The following ACTL6A variants were observed in gnomAD, a reference collection of about 807,000 sequenced individuals.
The protein encoded by ACTL6A is actin-like protein 6A.
A neutral mutation model predicts 59.2 loss-of-function variants in ACTL6A; 5 were observed. The observed-to-expected ratio is 0.08, with a 90% CI of 0.04 to 0.18. The LOEUF (loss-of-function observed/expected upper bound fraction) is 0.18, where lower values mean the gene tolerates loss of function less well. ACTL6A is among the 10% of genes least tolerant of loss of function. ACTL6A has a pLI of 1.00. For synonymous variants in ACTL6A, 154 were observed against 171.8 expected (o/e 0.90, Z 0.81); for missense variants, 285 against 526.9 (o/e 0.54, Z 4.49).
In ACTL6A at chr3:179,583,398, C is replaced by A. The variant is rs748784739; in HGVS notation, c.1072C>A (p.Gln358Lys). ...AGTGGCAGGAGGAAACACACTAATA[C>A]AGAGTTTTACTGACAGGTTGAATAG... The part of the protein sequence containing the change: ...VIVAGGNTLI[Q>K]SFTDRLNREL... Residue 358 changes from glutamine (Q) to lysine (K), a missense_variant, in exon 12 of 14, where the codon CAG becomes AAG. By Grantham distance (53) the Gln-to-Lys change is moderately conservative. Transcript: ENST00000429709. 10 of 1,613,452 alleles carry A rather than the reference C, an allele frequency of 6.2e-6. No homozygotes were observed. Among genetic ancestry groups the A allele is most frequent in the Non-Finnish European group, 7.6e-6 (9 of 1,179,686 alleles).
At chr3:179,568,549 G>A (rs1717909235) in intron 1 of ACTL6A, among the ~76,000 whole-genome samples, 1 of 150,870 alleles carries the variant, frequency 6.6e-6, no homozygotes, top group East Asian at 1.9e-4. Context: ...TGAGACGTGT[G>A]TGTGTGTGTA....
chr3:179,586,763 T>C, intron 13 of ACTL6A, 131 bp downstream of exon 13: 1 of 731,432 alleles, frequency 1.4e-6, no homozygotes, highest in Non-Finnish European at 2.2e-6. Flanking sequence ...GAAGACCTAA[T>C]GGAATAACCA....
intron 13 of ACTL6A, among the ~76,000 whole-genome samples, chr3:179,587,215 C>T (rs1374346698): frequency 4.6e-5 from 7 of 151,702 alleles, no homozygotes; most frequent in African/African-American, 1.7e-4. Flanking sequence ...TACATATATA[C>T]TGTATATATA....
At position 179,579,461 on chromosome 3, in the gene ACTL6A, C is replaced by T. The variant is rs974494310; in HGVS notation, c.769-1179C>T. ...TTATTTTATTTATATCATATACACA[C>T]ACACACACACACACACACACACACA... On this transcript the variant is annotated intron_variant, in intron 8 of 13. Coordinates refer to ENST00000429709, the MANE Select transcript of ACTL6A (RefSeq NM_004301.5). Among the ~76,000 whole-genome samples the T allele has an allele frequency of 1.0e-3, 148 of 147,622 alleles. 1 individual carries two copies. Among genetic ancestry groups the T allele is most frequent in the Non-Finnish European group, 1.7e-3 (118 of 67,764 alleles).
chr3:179,587,691 T>C (rs1484652620), intron 13 of ACTL6A, among the ~76,000 whole-genome samples: 3 of 151,832 alleles, frequency 2.0e-5, no homozygotes, highest in Admixed American at 6.6e-5. Context: ...CTGGGCAACA[T>C]AGTGTGAGAC....
At chr3:179,577,552 A>C (rs1232949093) in intron 8 of ACTL6A, among the ~76,000 whole-genome samples, 1 of 151,926 alleles carries the variant, frequency 6.6e-6, no homozygotes, top group Non-Finnish European at 1.5e-5. Context: ...GGGTAAACTC[A>C]TGTCACGGAA....
Position 179,573,408 on chromosome 3 carries a change from C to G in ACTL6A, c.317C>G (p.Thr106Ser). 1 of 1,592,158 alleles carries G rather than the reference C, an allele frequency of 6.3e-7. No individual in the cohort carries two copies. Among genetic ancestry groups the G allele is most frequent in the Non-Finnish European group, 8.5e-7 (1 of 1,172,094 alleles). Residue 106 changes from threonine to serine, a missense_variant, in exon 4 of 14, where the codon ACC (threonine) becomes AGC (serine). Transcript: ENST00000429709. ...WDSFQAILDH[T>S]YKMHVKSEAS... ...AGTTTCCAAGCTATTTTGGATCATA[C>G]CTACAAAATGCATGTCAAATCAGAA...
At position 179,576,738 on chromosome 3, in the gene ACTL6A, T is replaced by A. The variant is rs376110770; in HGVS notation, c.678+12T>A. 2 of 1,609,830 alleles carry A rather than the reference T, an allele frequency of 1.2e-6. No homozygotes were observed. The highest frequency in any genetic ancestry group is 2.7e-5 in the African/African-American group (2 of 74,838). On this transcript the variant is annotated intron_variant, in intron 7 of 13. Coordinates refer to ENST00000429709, the MANE Select transcript of ACTL6A (RefSeq NM_004301.5). ...TGATTGCATCAAAAGTAAGTAATTA[T>A]TGAATTTTCTTTGTAGAACTTACTT...
Position 179,581,233 on chromosome 3 carries a change from C to G in ACTL6A, c.1026+13C>G. ...TGACATCAGACCAGTAAGTGCCAGT[C>G]TCCTGTTACGGTTTAAAGGTATCTT... On this transcript the variant is annotated intron_variant, in intron 11 of 13. Coordinates refer to ENST00000429709, the MANE Select transcript of ACTL6A (RefSeq NM_004301.5). 1.2e-6 allele frequency: 2 copies of G among 1,602,340 alleles called. No individual in the cohort carries two copies. The highest frequency in any genetic ancestry group is 1.7e-6 in the Non-Finnish European group (2 of 1,169,372).
At chr3:179,573,573 A>C (rs1310813026) in intron 4 of ACTL6A, 104 bp downstream of exon 4, 5 of 740,648 alleles carry the variant, frequency 6.8e-6, no homozygotes, top group Non-Finnish European at 1.1e-5. Context: ...TTCTTTAAAG[A>C]GGCATAGAAA....
chr3:179,587,878 AT>A, intron 13 of ACTL6A, 51 bp from the exon 14 acceptor site: 1 of 1,518,900 alleles, frequency 6.6e-7, no homozygotes, highest in Non-Finnish European at 8.9e-7. Flanking sequence ...TTTTTAAGCC[AT>A]TTCTAGTAAG....
intron 9 of ACTL6A, 36 bp downstream of exon 9, chr3:179,580,737 G>T (rs1344123965): frequency 1.4e-6 from 2 of 1,476,932 alleles, no homozygotes; most frequent in South Asian, 2.5e-5. Context: ...CTTTATAAAT[G>T]AGGAAAGGAT....
chr3:179,563,267 G>C (rs1269861579), intron 1 of ACTL6A, 150 bp downstream of exon 1: 2 of 1,326,978 alleles, frequency 1.5e-6, no homozygotes, highest in Non-Finnish European at 2.0e-6. Flanking sequence ...CCCACGCTCT[G>C]CCCGCCCCCG....
In ACTL6A at chr3:179,576,926, C is replaced by G. The variant is rs774180938; in HGVS notation, c.768+13C>G. 5.0e-6 allele frequency: 8 copies of G among 1,596,076 alleles called. No individual in the cohort carries two copies. Among genetic ancestry groups the G allele is most frequent in the Non-Finnish European group, 5.1e-6 (6 of 1,171,290 alleles). On this transcript the variant is annotated intron_variant, in intron 8 of 13. Coordinates refer to ENST00000429709, the MANE Select transcript of ACTL6A (RefSeq NM_004301.5). ...TTATATGTGTAATGTAAGTAACCCTCATTCTCTTTACAAAAATGTTACAGG... is the reference window on the plus strand; with the variant it reads ...TTATATGTGTAATGTAAGTAACCCTGATTCTCTTTACAAAAATGTTACAGG...
chr3:179,585,284 T>G (rs1718451029), intron 12 of ACTL6A, among the ~76,000 whole-genome samples: 1 of 152,130 alleles, frequency 6.6e-6, no homozygotes, highest in Non-Finnish European at 1.5e-5. Flanking sequence ...TTATTTTTAG[T>G]AGAGATGCAG....
At chr3:179,568,527 CTT>C (rs35012560) in intron 1 of ACTL6A, among the ~76,000 whole-genome samples, 1 of 139,930 alleles carries the variant, frequency 7.1e-6, no homozygotes, top group Non-Finnish European at 1.6e-5. Flanking sequence ...TGCATATTTT[CTT>C]TTTTTTTTTT....
chr3:179,580,128 C>T (rs547047718), intron 8 of ACTL6A, among the ~76,000 whole-genome samples: 37 of 152,170 alleles, frequency 2.4e-4, no homozygotes, highest in South Asian at 2.3e-3. Flanking sequence ...ATGTAATATA[C>T]GAGGAAAAAT....
chr3:179,567,478 A>C (rs554114061), intron 1 of ACTL6A, among the ~76,000 whole-genome samples: 89 of 152,336 alleles, frequency 5.8e-4, no homozygotes, highest in African/African-American at 1.9e-3. Flanking sequence ...AGGGCGACAC[A>C]ATTCAGTCCA....
intron 1 of ACTL6A, among the ~76,000 whole-genome samples, chr3:179,563,699 C>G (rs1023573946): frequency 3.3e-5 from 5 of 152,224 alleles, no homozygotes; most frequent in African/African-American, 1.2e-4. Context: ...TTCAGTAACT[C>G]TTGCCTGTTT....
Sources: gnomAD v4.1 joint callset for allele counts (sites outside exome capture counted in the v4.1 genomes callset) on GRCh38, gnomAD v4.1.1 for gene constraint, MANE v1.5 for transcripts, NCBI Gene and HGNC (gene_info 2026-07-23, HGNC 2026-07-21) for gene names.